The following PRR16 variants were observed in gnomAD, a reference collection of about 807,000 sequenced individuals.
PRR16 encodes protein Largen.
A neutral mutation model predicts 18.2 loss-of-function variants in PRR16; 6 were observed. The ratio of observed to expected loss-of-function variants is 0.33; its 90% confidence interval spans 0.18 to 0.65. The LOEUF (loss-of-function observed/expected upper bound fraction) is 0.65. Among genes scored for constraint, PRR16 ranks in the 30% least tolerant of loss-of-function variants. The probability of loss-of-function intolerance (pLI) is 0.74; values close to 1 mark genes in which losing one functional copy is unlikely to be tolerated. For missense variants in PRR16, 412 were observed against 376.6 expected (o/e 1.09, Z -0.78); for synonymous variants, 151 against 147.8 (o/e 1.02, Z -0.16).
At chr5:120,533,862 A>T (rs182816983) in intron 1 of PRR16, among the ~76,000 whole-genome samples, 28 of 152,334 alleles carry the variant, frequency 1.8e-4, no homozygotes, top group African/African-American at 6.5e-4. Context: ...AGATCATTCT[A>T]ATATTTGTGT....
At chr5:120,688,364 C>T (rs147912403), downstream of PRR16, among the ~76,000 whole-genome samples, 84 of 151,964 alleles carry the variant, frequency 5.5e-4, no homozygotes, top group East Asian at 6.9e-3. Context: ...CAAAATAATC[C>T]GACTTACAAT....
chr5:120,506,539 A>G (rs1360338574), intron 1 of PRR16, among the ~76,000 whole-genome samples: 2 of 152,106 alleles, frequency 1.3e-5, no homozygotes, highest in Non-Finnish European at 2.9e-5. Context: ...TTATATAACA[A>G]GAAGTTCTGG....
chr5:120,785,372 C>A, the PRR16 span, among the ~76,000 whole-genome samples: 14 of 152,120 alleles, frequency 9.2e-5, no homozygotes, highest in African/African-American at 3.1e-4. Flanking sequence ...TACAAGAATG[C>A]CCAGCATCAA....
chr5:120,587,006 A>C (rs184366707), intron 1 of PRR16, among the ~76,000 whole-genome samples: 1 of 152,232 alleles, frequency 6.6e-6, no homozygotes, highest in East Asian at 1.9e-4. Context: ...ACAAATGATA[A>C]GCAAAACAGC....
At chr5:120,470,151 A>G (rs535823672) in intron 1 of PRR16, among the ~76,000 whole-genome samples, 1 of 152,270 alleles carries the variant, frequency 6.6e-6, no homozygotes, top group African/African-American at 2.4e-5. Context: ...GTTCTTGAAA[A>G]ATTTCAGGGG....
chr5:120,480,129 AT>A (rs1395134603), intron 1 of PRR16, among the ~76,000 whole-genome samples: 1 of 152,166 alleles, frequency 6.6e-6, no homozygotes, highest in Non-Finnish European at 1.5e-5. Flanking sequence ...ATACAGAATA[AT>A]ATGGCACAGC....
the PRR16 span, among the ~76,000 whole-genome samples, chr5:120,789,134 C>T: frequency 0.054 from 8,279 of 152,086 alleles, 509 homozygotes; most frequent in African/African-American, 0.15. Context: ...AGGCATTCCT[C>T]TGTCTCTGAC....
At chr5:120,495,457 A>T (rs931870681) in intron 1 of PRR16, among the ~76,000 whole-genome samples, 1 of 152,120 alleles carries the variant, frequency 6.6e-6, no homozygotes, top group Non-Finnish European at 1.5e-5. Flanking sequence ...CCATCTGTAG[A>T]TTACTTATAA....
At chr5:120,510,166 C>G (rs1750784802) in intron 1 of PRR16, among the ~76,000 whole-genome samples, 1 of 152,180 alleles carries the variant, frequency 6.6e-6, no homozygotes, top group Admixed American at 6.6e-5. Context: ...TTAACTTACT[C>G]TGACTTAGTG....
the PRR16 span, among the ~76,000 whole-genome samples, chr5:120,753,534 A>G: frequency 2.6e-5 from 4 of 151,862 alleles, no homozygotes; most frequent in East Asian, 1.9e-4. Context: ...TGAGTGATCT[A>G]TATCTGTGTG....
intron 1 of PRR16, among the ~76,000 whole-genome samples, chr5:120,478,321 T>C (rs1461417645): frequency 1.3e-5 from 2 of 152,148 alleles, no homozygotes; most frequent in Non-Finnish European, 2.9e-5. Flanking sequence ...ATATATATGG[T>C]GGTGGTTTTT....
chr5:120,487,294 C>T (rs1352828888), intron 1 of PRR16, among the ~76,000 whole-genome samples: 1 of 152,100 alleles, frequency 6.6e-6, no homozygotes, highest in African/African-American at 2.4e-5. Context: ...GAATGTTCTT[C>T]CATTTGTTTG....
intron 1 of PRR16, among the ~76,000 whole-genome samples, chr5:120,500,431 G>A (rs939622963): frequency 3.9e-5 from 6 of 152,094 alleles, no homozygotes; most frequent in Non-Finnish European, 7.3e-5. Context: ...GTTGTACTTT[G>A]TGGAAGTTAA....
chr5:120,626,304 C>G (rs1754863109), intron 1 of PRR16, among the ~76,000 whole-genome samples: 1 of 152,078 alleles, frequency 6.6e-6, no homozygotes, highest in East Asian at 1.9e-4. Context: ...CTGACACATG[C>G]TCCAACATGG....
chr5:120,511,014 T>C (rs961551275), intron 1 of PRR16, among the ~76,000 whole-genome samples: 1 of 152,172 alleles, frequency 6.6e-6, no homozygotes, highest in Non-Finnish European at 1.5e-5. Context: ...ACCTGACTTA[T>C]TGGCATACTG....
intron 1 of PRR16, among the ~76,000 whole-genome samples, chr5:120,496,979 T>C (rs772746423): frequency 4.6e-5 from 7 of 152,104 alleles, no homozygotes; most frequent in South Asian, 2.1e-4. Flanking sequence ...TTTGAAAGGG[T>C]GTTGTATAGT....
the PRR16 span, among the ~76,000 whole-genome samples, chr5:120,737,385 A>G: frequency 1.5e-5 from 2 of 132,424 alleles, no homozygotes; most frequent in African/African-American, 5.8e-5. Flanking sequence ...TTCAATTGAG[A>G]TAATTATGTG....
At chr5:120,752,608 G>C in the PRR16 span, among the ~76,000 whole-genome samples, 2 of 151,974 alleles carry the variant, frequency 1.3e-5, no homozygotes, top group Non-Finnish European at 2.9e-5. Flanking sequence ...CATTATGTGA[G>C]ACCAACAATT....
At chr5:120,772,983 T>G in the PRR16 span, among the ~76,000 whole-genome samples, 1 of 152,128 alleles carries the variant, frequency 6.6e-6, no homozygotes, top group Non-Finnish European at 1.5e-5. Flanking sequence ...ACCCAAATTT[T>G]TCTGGAAGAA....
Sources: allele counts gnomAD v4.1 joint callset (sites outside exome capture counted in the v4.1 genomes callset), GRCh38; gene constraint gnomAD v4.1.1; transcripts MANE v1.5; gene names NCBI Gene and HGNC (gene_info 2026-07-23, HGNC 2026-07-21).